The following ABTB2 variants were observed in gnomAD, a reference collection of about 807,000 sequenced individuals.
ABTB2 encodes ankyrin repeat and BTB domain containing 2.
ABTB2 carries 56 observed loss-of-function variants against 104.1 expected under a neutral mutation model. The observed-to-expected ratio is 0.54, with a 90% CI of 0.43 to 0.67. The LOEUF (loss-of-function observed/expected upper bound fraction) is 0.67, where lower values mean the gene tolerates loss of function less well. Ranked by LOEUF, ABTB2 falls within the 30% of genes least tolerant of loss-of-function variation. The pLI is 0.00. For missense variants in ABTB2, 1,279 were observed against 1,407.7 expected (o/e 0.91, Z 1.46); for synonymous variants, 606 against 608.2 (o/e 1.00, Z 0.05).
intron 1 of ABTB2, among the ~76,000 whole-genome samples, chr11:34,211,412 G>C (rs2133044697): frequency 6.6e-6 from 1 of 152,172 alleles, no homozygotes; most frequent in East Asian, 1.9e-4. Context: ...GCCCAGCCAG[G>C]ACAGTCAATT....
intron 14 of ABTB2, among the ~76,000 whole-genome samples, chr11:34,159,032 C>T (rs1302309614): frequency 6.6e-6 from 1 of 152,202 alleles, no homozygotes; most frequent in Non-Finnish European, 1.5e-5. Flanking sequence ...TGTATCTGTC[C>T]TTGCACGTCT....
intron 1 of ABTB2, among the ~76,000 whole-genome samples, chr11:34,218,598 C>T (rs774465365): frequency 7.2e-5 from 11 of 151,970 alleles, no homozygotes; most frequent in South Asian, 6.2e-4. Context: ...GCCTGTAATC[C>T]CACCACTTTG....
At chr11:34,352,281 T>A (rs10768065) in intron 1 of ABTB2, among the ~76,000 whole-genome samples, 23,740 of 152,212 alleles carry the variant, frequency 0.16, 3,216 homozygotes, top group African/African-American at 0.35. Context: ...TCAGTCACTA[T>A]TTTTGGCCTA....
At chr11:34,227,142 C>T (rs9783356) in intron 1 of ABTB2, among the ~76,000 whole-genome samples, 87,292 of 151,474 alleles carry the variant, frequency 0.58, 25,923 homozygotes, top group Non-Finnish European at 0.65. Flanking sequence ...GATATGGTGG[C>T]GCACACCTGT....
At chr11:34,283,164 T>C (rs571262460) in intron 1 of ABTB2, among the ~76,000 whole-genome samples, 1 of 148,392 alleles carries the variant, frequency 6.7e-6, no homozygotes, top group Non-Finnish European at 1.5e-5. Context: ...GTGATCCGCC[T>C]GCCTCGGCCT....
chr11:34,152,833 G>A (rs984930334), intron 16 of ABTB2, among the ~76,000 whole-genome samples: 5 of 152,212 alleles, frequency 3.3e-5, no homozygotes, highest in African/African-American at 1.2e-4. Context: ...TGTTGGGTTG[G>A]AAGTTCCCTT....
Position 34,197,516 on chromosome 11 carries a change from C to A in ABTB2, c.1053G>T (p.Met351Ile), listed in dbSNP as rs760019281. Residue 351 changes from methionine to isoleucine, a missense_variant, in exon 3 of 17, where the codon ATG becomes ATT. Physicochemically the swap from Met to Ile is conservative, Grantham distance 10. Transcript: ENST00000435224. ...SELSDLVSRA[M>I]HHMQGRHPLC... is the part of the protein sequence containing the mutation. ...GGGGGTGACGCCCCTGCATGTGGTGCATGGCACGGGAGACCAAGTCACCTG... is the reference window on the plus strand; with the variant it reads ...GGGGGTGACGCCCCTGCATGTGGTGAATGGCACGGGAGACCAAGTCACCTG... 6.3e-7 allele frequency: 1 copy of A among 1,579,636 alleles called. No homozygotes were observed. Among genetic ancestry groups the A allele is most frequent in the South Asian group, 1.1e-5 (1 of 87,410 alleles).
At position 34,160,344 on chromosome 11, in the gene ABTB2, C is replaced by CGGA. The variant is rs1278002985; in HGVS notation, c.2404_2406dup (p.Ser802dup). On this transcript the variant is annotated inframe_insertion, in exon 12 of 17. Transcript: ENST00000435224. ...AAGATGGTAGCCAGTTGCTGGATGA[C>CGGA]GGAGTCGTTCTGTGGGGAGAGGAGA... 1 of 1,613,676 alleles carries CGGA rather than the reference C, an allele frequency of 6.2e-7. No individual in the cohort carries two copies. The highest frequency in any genetic ancestry group is 1.3e-5 in the African/African-American group (1 of 74,888).
chr11:34,299,816 G>A (rs930350477), intron 1 of ABTB2, among the ~76,000 whole-genome samples: 1 of 152,238 alleles, frequency 6.6e-6, no homozygotes, highest in African/African-American at 2.4e-5. Flanking sequence ...GGGTGAGCCG[G>A]AAAGGAGCAG....
intron 1 of ABTB2, among the ~76,000 whole-genome samples, chr11:34,241,106 G>C (rs566436535): frequency 6.6e-6 from 1 of 152,118 alleles, no homozygotes. Flanking sequence ...AGGAGGATTT[G>C]AGAGCCTGAT....
intron 1 of ABTB2, among the ~76,000 whole-genome samples, chr11:34,354,909 A>C (rs1295925116): frequency 6.8e-6 from 1 of 146,576 alleles, no homozygotes; most frequent in African/African-American, 2.7e-5. Flanking sequence ...CTCAATTATG[A>C]CCACTGGAGA....
chr11:34,287,053 T>C (rs577082124), intron 1 of ABTB2, among the ~76,000 whole-genome samples: 5 of 152,118 alleles, frequency 3.3e-5, no homozygotes, highest in South Asian at 2.1e-4. Context: ...TGTTAACTCA[T>C]AGGACTTGGG....
rs1855177011 is a variant in ABTB2 at position 34,335,017 on chromosome 11, A to G, written c.883+21684T>C. 5.8e-5 allele frequency: 33 copies of G among 573,712 alleles called. 1 individual carries two copies. The South Asian group carries it at 7.3e-4, about 13-fold the overall frequency. The allele number at this position is 573,712 out of a possible 1,614,324, so 35.5% of individuals were successfully genotyped here. A position where few individuals can be genotyped will look rare whatever the true frequency, so the allele number is the denominator to read the frequency against. On this transcript the variant is annotated intron_variant, in intron 1 of 16. Coordinates refer to ENST00000435224, the MANE Select transcript of ABTB2 (RefSeq NM_145804.3). ...TAAATTCATAAATGCTGAAATAAAT[A>G]GAAATAAGTATATTTTAAAAACTTT... is the stretch of plus-strand genomic sequence containing the variant.
At chr11:34,203,170 G>A (rs756621452) in intron 2 of ABTB2, among the ~76,000 whole-genome samples, 4 of 152,176 alleles carry the variant, frequency 2.6e-5, no homozygotes, top group Admixed American at 1.3e-4. Flanking sequence ...CCCTAGACAC[G>A]TCCAGAGTCA....
chr11:34,242,221 G>A (rs999194598), intron 1 of ABTB2, among the ~76,000 whole-genome samples: 2 of 152,094 alleles, frequency 1.3e-5, no homozygotes, highest in African/African-American at 4.8e-5. Context: ...AAGTGCCTCT[G>A]GGTCACCCCT....
intron 1 of ABTB2, among the ~76,000 whole-genome samples, chr11:34,280,305 C>T (rs1854435294): frequency 6.6e-6 from 1 of 152,122 alleles, no homozygotes; most frequent in African/African-American, 2.4e-5. Flanking sequence ...GACAGTGAGG[C>T]TGACCCAGGT....
At chr11:34,345,271 C>A (rs544462624) in intron 1 of ABTB2, among the ~76,000 whole-genome samples, 24 of 152,324 alleles carry the variant, frequency 1.6e-4, no homozygotes, top group African/African-American at 5.5e-4. Context: ...GCTCCTTGAA[C>A]CCACCAGGAA....
At chr11:34,347,177 T>C (rs946455855) in intron 1 of ABTB2, among the ~76,000 whole-genome samples, 4 of 152,232 alleles carry the variant, frequency 2.6e-5, no homozygotes, top group African/African-American at 9.6e-5. Context: ...GGCTCATGCC[T>C]GTAATCCCAG....
At chr11:34,186,128 C>CTT (rs1216372796) in intron 3 of ABTB2, among the ~76,000 whole-genome samples, 1 of 152,276 alleles carries the variant, frequency 6.6e-6, no homozygotes, top group Non-Finnish European at 1.5e-5. Context: ...CAACCTCCAG[C>CTT]TTTTGCTCTC....
Sources: gnomAD v4.1 joint callset for allele counts (sites outside exome capture counted in the v4.1 genomes callset) on GRCh38, gnomAD v4.1.1 for gene constraint, MANE v1.5 for transcripts, NCBI Gene and HGNC (gene_info 2026-07-23, HGNC 2026-07-21) for gene names.